Variants in FGFR1 observed in about 807,000 individuals in gnomAD.
The protein encoded by FGFR1 is FGFR1/PLAG1 fusion.
In FGFR1, 18 loss-of-function variants were observed where a neutral mutation model predicts 93.7. That is an observed-to-expected ratio of 0.19 (90% CI 0.13 to 0.28). The LOEUF (loss-of-function observed/expected upper bound fraction) is 0.28. Ranked by LOEUF, FGFR1 falls within the 10% of genes least tolerant of loss-of-function variation. FGFR1 has a pLI of 1.00. For missense variants in FGFR1, 731 were observed against 1,080.4 expected, an observed-to-expected ratio of 0.68 and a Z score of 4.53; for synonymous variants, 448 against 429.3, an observed-to-expected ratio of 1.04 and a Z score of -0.54.
rs891496828 is a variant in FGFR1 at position 38,468,383 on chromosome 8, C to T, written c.-491G>A. On this transcript the variant is annotated 5_prime_UTR_variant, in exon 1 of 18. Transcript: ENST00000447712. ...GTACCGTGCGCCCTGCGGGGCGCCC[C>T]GAGCTCGGACCGGAGAAAAGTCCTT... 9 of 228,228 alleles carry T rather than the reference C, an allele frequency of 3.9e-5. No individual in the cohort carries two copies. Among genetic ancestry groups the T allele is most frequent in the Admixed American group, 1.1e-4 (2 of 17,600 alleles). 14.1% of individuals were successfully genotyped at this position (228,228 alleles called of 1,614,324 possible).
rs2150588774 is a variant in FGFR1, at chr8:38,415,998, G to A, written c.1726C>T (p.Arg576Trp). ...KGNLREYLQA[R>W]RPPGLEYCYN... ...CAGTATTCCAGCCCTGGGGGCCTCC[G>A]GGCCTGCAGGTACTCCCGCAGGTTG... is the stretch of plus-strand genomic sequence containing the variant. The change falls in exon 13 of 18, where the codon CGG becomes TGG. Residue 576 changes from arginine to tryptophan, a missense_variant. By Grantham distance (101) the Arg-to-Trp change is moderately radical (BLOSUM62 -3). Transcript: ENST00000447712. 1.2e-6 allele frequency: 2 copies of A among 1,613,920 alleles called. No individual in the cohort carries two copies. The highest frequency in any genetic ancestry group is 1.1e-5 in the South Asian group (1 of 91,062).
At position 38,412,846 on chromosome 8, in the gene FGFR1, CCTT is replaced by C. The variant is rs1427709301; in HGVS notation, c.*779_*781del. 1 of 233,476 alleles carries C rather than the reference CCTT, an allele frequency of 4.3e-6. No individual in the cohort carries two copies. The highest frequency in any genetic ancestry group is 2.2e-5 in the African/African-American group (1 of 45,348). 14.5% of individuals were successfully genotyped at this position (233,476 alleles called of 1,614,324 possible). ...TATATGACCTTTTTAAAAACATTTTCCTTTTTTTTCTTTTTTGTTTTTAATATA... is the reference window on the plus strand; with the variant it reads ...TATATGACCTTTTTAAAAACATTTTCTTTTTTCTTTTTTGTTTTTAATATA... On this transcript the variant is annotated 3_prime_UTR_variant, in exon 18 of 18. Transcript: ENST00000447712.
intron 7 of FGFR1, chr8:38,423,314 T>G: frequency 3.6e-5 from 8 of 220,396 alleles, no homozygotes; most frequent in East Asian, 1.6e-4. Context: ...CCCTTTTAGT[T>G]TTTTTTTTTT....
chr8:38,417,546 A>G, intron 11 of FGFR1, 130 bp from the exon 12 acceptor site: 2 of 858,904 alleles, frequency 2.3e-6, no homozygotes, highest in East Asian at 5.2e-5. Flanking sequence ...ACTTCATCCA[A>G]ACTTGTTTTC....
chr8:38,442,362 G>GGTGTGTGTGTGTGT (rs56889687), intron 2 of FGFR1, among the ~76,000 whole-genome samples: 7,413 of 145,960 alleles, frequency 0.051, 228 homozygotes, highest in East Asian at 0.1. Context: ...TTGTTAAAGT[G>GGTGTGTGTGTGTGT]GTGTGTGTGT....
chr8:38,424,969 G>C lies in FGFR1; in HGVS notation c.746-270C>G, dbSNP rs1383827932. ...CTTTAATGGAGAACCTTCTAATTCA[G>C]TTGCACCCCCAGACCTCAGCACAAC... On this transcript the variant is annotated intron_variant, in intron 6 of 17. Coordinates refer to ENST00000447712, the MANE Select transcript of FGFR1 (RefSeq NM_023110.3). The surrounding 1 kb of genome is among the most constrained non-coding windows in gnomAD (Gnocchi z 4.3). 6.6e-6 allele frequency among the ~76,000 whole-genome samples: 1 copy of C among 152,120 alleles called. No homozygotes were observed. Among genetic ancestry groups the C allele is most frequent in the African/African-American group, 2.4e-5 (1 of 41,410 alleles).
chr8:38,425,842 C>G, intron 6 of FGFR1: 3 of 484,758 alleles, frequency 6.2e-6, no homozygotes, highest in South Asian at 6.1e-5. Context: ...ACATTTAACA[C>G]CTCTCCAACA....
Position 38,413,878 on chromosome 8 carries a change from G to C in FGFR1, c.2292+40C>G, listed in dbSNP as rs763550889. On this transcript the variant is annotated intron_variant, in intron 17 of 17. Coordinates refer to ENST00000447712, the MANE Select transcript of FGFR1 (RefSeq NM_023110.3). The surrounding 1 kb of genome is among the most constrained non-coding windows in gnomAD (Gnocchi z 4.2). ...CTCAGGGAGGTGCGTGCACGCAGTG[G>C]GGACGGCCTGAGCTCTGGCTCTGGC... The C allele has an allele frequency of 4.2e-5, 68 of 1,613,302 alleles. No individual in the cohort carries two copies. The highest frequency in any genetic ancestry group is 1.6e-4 in the Middle Eastern group (1 of 6,084).
chr8:38,432,963 T>C (rs928629622), intron 2 of FGFR1, among the ~76,000 whole-genome samples: 1 of 123,666 alleles, frequency 8.1e-6, no homozygotes, highest in Non-Finnish European at 1.6e-5. Context: ...CTCCCTGGCA[T>C]GGCAAAGCTT....
chr8:38,418,486 T>G, intron 9 of FGFR1, 113 bp from the exon 10 acceptor site: 1 of 1,289,298 alleles, frequency 7.8e-7, no homozygotes, highest in Non-Finnish European at 1.1e-6. Context: ...GTGTATCTGA[T>G]GTTCTTTCCT....
intron 1 of FGFR1, chr8:38,466,022 C>G (rs1454612489): frequency 4.3e-6 from 1 of 230,470 alleles, no homozygotes; most frequent in Admixed American, 5.7e-5. Flanking sequence ...CACCGACTCT[C>G]CCCACCCTCC....
intron 4 of FGFR1, 117 bp from the exon 5 acceptor site, chr8:38,428,210 A>G: frequency 6.7e-7 from 1 of 1,501,090 alleles, no homozygotes; most frequent in Admixed American, 1.7e-5. Context: ...AACACCTGTG[A>G]GCAGTGCCTG....
chr8:38,421,843 G>A lies in FGFR1; in HGVS notation c.1035C>T (p.Asn345=). Residue 345 remains asparagine, a synonymous_variant, in exon 8 of 18, where the codon AAC becomes AAT. Coordinates refer to ENST00000447712, the MANE Select transcript of FGFR1 (RefSeq NM_023110.3). ...CAGAGTGATGGGAGAGTCCGATAGA[G>A]TTACCCGCCAAGCACGTATACTCCC... ...DAGEYTCLAG[N]SIGLSHHSAW... 6.2e-7 allele frequency: 1 copy of A among 1,614,082 alleles called. No individual in the cohort carries two copies. Among genetic ancestry groups the A allele is most frequent in the Non-Finnish European group, 8.5e-7 (1 of 1,180,004 alleles).
intron 1 of FGFR1, chr8:38,465,616 G>C (rs1003804207): frequency 1.7e-4 from 38 of 224,576 alleles, no homozygotes; most frequent in African/African-American, 7.6e-4. Context: ...GCAGGCCATC[G>C]GCAAAGACGG....
At chr8:38,447,098 A>AACACACACACACAC (rs57917657) in intron 2 of FGFR1, among the ~76,000 whole-genome samples, 13 of 133,362 alleles carry the variant, frequency 9.7e-5, no homozygotes, top group East Asian at 2.3e-4. Flanking sequence ...ACTGCAAGCA[A>AACACACACACACAC]ACACACACAC....
chr8:38,466,439 G>T, intron 1 of FGFR1: 1 of 231,652 alleles, frequency 4.3e-6, no homozygotes, highest in Non-Finnish European at 8.5e-6. Context: ...CTAGTCTAGC[G>T]GATGAACCGT....
chr8:38,419,946 T>C (rs1270664052), intron 8 of FGFR1: 1 of 584,492 alleles, frequency 1.7e-6, no homozygotes, highest in Admixed American at 3.0e-5. Flanking sequence ...ACTTGAGCCA[T>C]GGAAAAGGGA....
rs1370411768 is a variant in FGFR1 at position 38,424,629 on chromosome 8, G to A, written c.816C>T (p.Asn272=). The A allele has an allele frequency of 7.4e-6, 12 of 1,613,856 alleles. No individual in the cohort carries two copies. The highest frequency in any genetic ancestry group is 1.6e-4 in the Middle Eastern group (1 of 6,082). The part of the protein sequence containing the change: ...PANKTVALGS[N]VEFMCKVYSD... ...TGTACACCTTACACATGAACTCCACGTTGCTACCCAGGGCCACTGTTTTGT... is the reference window on the plus strand; with the variant it reads ...TGTACACCTTACACATGAACTCCACATTGCTACCCAGGGCCACTGTTTTGT... Residue 272 remains asparagine (N), a synonymous_variant, in exon 7 of 18, where the codon AAC becomes AAT. Transcript: ENST00000447712. The surrounding 1 kb of genome is among the most constrained non-coding windows in gnomAD (Gnocchi z 4.3).
chr8:38,438,937 T>C (rs1293275965), intron 2 of FGFR1, among the ~76,000 whole-genome samples: 2 of 152,128 alleles, frequency 1.3e-5, no homozygotes, highest in African/African-American at 4.8e-5. Flanking sequence ...GTTGAGTGCT[T>C]TTAATTATAA....
Sources: gnomAD v4.1 joint callset for allele counts (sites outside exome capture counted in the v4.1 genomes callset) on GRCh38, gnomAD v4.1.1 for gene constraint, Gnocchi (gnomAD v3.1) non-coding constraint, MANE v1.5 for transcripts, NCBI Gene and HGNC (gene_info 2026-07-23, HGNC 2026-07-21) for gene names.